Variants in TSEN15 observed in about 807,000 individuals in gnomAD.
TSEN15 encodes tRNA-splicing endonuclease subunit Sen15.
Under a neutral mutation model 20.5 loss-of-function variants are expected in TSEN15, and 10 were observed. That is an observed-to-expected ratio of 0.49 (90% CI 0.30 to 0.83). The LOEUF is 0.83. Ranked by LOEUF, TSEN15 falls within the 40% of genes least tolerant of loss-of-function variation. The pLI is 0.06. For synonymous variants in TSEN15, 72 were observed against 80.1 expected (o/e 0.90, Z 0.54); for missense variants, 180 against 218.6 (o/e 0.82, Z 1.11).
At chr1:184,082,255 C>T (rs563768273) in intron 3 of TSEN15, among the ~76,000 whole-genome samples, 2 of 152,234 alleles carry the variant, frequency 1.3e-5, no homozygotes, top group South Asian at 2.1e-4. Flanking sequence ...TGGGCATCAT[C>T]CTGCAGTGCC....
At chr1:184,076,436 T>A (rs928242834), downstream of TSEN15, among the ~76,000 whole-genome samples, 3 of 152,242 alleles carry the variant, frequency 2.0e-5, no homozygotes, top group Non-Finnish European at 4.4e-5. Context: ...GCCATTTCTC[T>A]CCCTTACTTC....
chr1:184,095,092 G>A (rs1339855631), intron 3 of TSEN15: 5 of 398,522 alleles, frequency 1.3e-5, no homozygotes, highest in Non-Finnish European at 2.2e-5. Context: ...CTTGGAAGAC[G>A]GTGACTGTCT....
chr1:184,063,903 A>G (rs1298346354), intron 3 of TSEN15, among the ~76,000 whole-genome samples: 1 of 152,194 alleles, frequency 6.6e-6, no homozygotes, highest in African/African-American at 2.4e-5. Context: ...TTATAAATGT[A>G]TTTGATTTTA....
intron 3 of TSEN15, chr1:184,095,291 A>G (rs1305943333): frequency 7.6e-6 from 3 of 395,068 alleles, no homozygotes; most frequent in African/African-American, 6.2e-5. Context: ...ATAAGAAGAA[A>G]GAGCAACACC....
At chr1:184,065,775 T>A (rs1650632305) in intron 3 of TSEN15, among the ~76,000 whole-genome samples, 1 of 152,248 alleles carries the variant, frequency 6.6e-6, no homozygotes, top group Admixed American at 6.5e-5. Flanking sequence ...CATCTTTTCA[T>A]ATGCTTATTT....
chr1:184,057,107 T>C (rs1172054438), intron 3 of TSEN15, among the ~76,000 whole-genome samples: 3 of 152,262 alleles, frequency 2.0e-5, no homozygotes, highest in African/African-American at 7.2e-5. Context: ...TACAAAAGAC[T>C]GTGGCTTCTA....
chr1:184,080,609 A>G (rs911175892), intron 3 of TSEN15, among the ~76,000 whole-genome samples: 9 of 152,212 alleles, frequency 5.9e-5, no homozygotes, highest in African/African-American at 1.9e-4. Flanking sequence ...GTAATTCTGA[A>G]AAACATATTC....
intron 3 of TSEN15, among the ~76,000 whole-genome samples, chr1:184,082,600 C>T (rs1651190027): frequency 6.6e-6 from 1 of 152,090 alleles, no homozygotes; most frequent in African/African-American, 2.4e-5. Context: ...GCACCAGCAA[C>T]TTTTGGGGTC....
downstream of TSEN15, among the ~76,000 whole-genome samples, chr1:184,076,459 T>G (rs1651063334): frequency 6.6e-6 from 1 of 152,044 alleles, no homozygotes. Context: ...GCCTCCCTAT[T>G]CCCTGAGAAA....
chr1:184,065,618 T>C (rs1023239140), intron 3 of TSEN15, among the ~76,000 whole-genome samples: 27 of 152,228 alleles, frequency 1.8e-4, no homozygotes, highest in African/African-American at 4.6e-4. Flanking sequence ...AATTATACAG[T>C]ATGTAGCCTT....
At chr1:184,064,709 G>C (rs962273219) in intron 3 of TSEN15, among the ~76,000 whole-genome samples, 4 of 152,180 alleles carry the variant, frequency 2.6e-5, no homozygotes, top group African/African-American at 9.6e-5. Flanking sequence ...AAAATTATTT[G>C]AGTCAGAATA....
chr1:184,082,046 C>T (rs1046299470), intron 3 of TSEN15, among the ~76,000 whole-genome samples: 4 of 152,086 alleles, frequency 2.6e-5, no homozygotes, highest in African/African-American at 9.7e-5. Context: ...AACATGGATG[C>T]GTGGGTGAGG....
At chr1:184,076,375 C>T (rs1005653795), downstream of TSEN15, among the ~76,000 whole-genome samples, 5 of 152,000 alleles carry the variant, frequency 3.3e-5, no homozygotes, top group Admixed American at 3.3e-4. Context: ...ACAGCAAACT[C>T]AGTTGATAAA....
downstream of TSEN15, among the ~76,000 whole-genome samples, chr1:184,078,687 TA>T (rs1175820792): frequency 2.0e-5 from 3 of 152,312 alleles, no homozygotes; most frequent in Non-Finnish European, 4.4e-5. Context: ...AGATCTCTTG[TA>T]AAGAACATGA....
At chr1:184,055,904 A>T (rs1377859686) in intron 3 of TSEN15, among the ~76,000 whole-genome samples, 1 of 152,136 alleles carries the variant, frequency 6.6e-6, no homozygotes, top group Non-Finnish European at 1.5e-5. Context: ...ACGTGCTTTC[A>T]CTGACCTGAG....
chr1:184,091,888 G>A (rs1216666590), intron 3 of TSEN15, among the ~76,000 whole-genome samples: 2 of 152,182 alleles, frequency 1.3e-5, no homozygotes, highest in African/African-American at 2.4e-5. Flanking sequence ...AGTGTTAATT[G>A]TCCTGGTAAA....
At chr1:184,059,313 G>T (rs1179613024) in intron 3 of TSEN15, among the ~76,000 whole-genome samples, 1 of 152,110 alleles carries the variant, frequency 6.6e-6, no homozygotes. Flanking sequence ...TGCCTACCTA[G>T]CATGGTGTCT....
Position 184,051,739 on chromosome 1 carries a change from G to T in TSEN15, c.-17G>T. On this transcript the variant is annotated 5_prime_UTR_variant, in exon 1 of 5. Coordinates refer to ENST00000645668, the MANE Select transcript of TSEN15 (RefSeq NM_052965.4). ...GCGCGGGTCGTGGTGCACCACGGGA[G>T]CGCCGCACCGGCCGGCATGGAGGAG... 1 of 1,411,376 alleles carries T rather than the reference G, an allele frequency of 7.1e-7. No homozygotes were observed. Among genetic ancestry groups the T allele is most frequent in the Non-Finnish European group, 9.3e-7 (1 of 1,080,734 alleles). The allele number at this position is 1,411,376 out of a possible 1,614,324, so 87.4% of individuals were successfully genotyped here. A position where few individuals can be genotyped will look rare whatever the true frequency, so the allele number is the denominator to read the frequency against.
intron 3 of TSEN15, 68 bp from the exon 4 acceptor site, chr1:184,072,089 T>C (rs1650903509): frequency 2.0e-6 from 3 of 1,496,716 alleles, no homozygotes; most frequent in Non-Finnish European, 2.7e-6. Context: ...TTTCTAGTGC[T>C]TTCTTCTGTC....
Sources: allele counts gnomAD v4.1 joint callset (sites outside exome capture counted in the v4.1 genomes callset), GRCh38; gene constraint gnomAD v4.1.1; transcripts MANE v1.5; gene names NCBI Gene and HGNC (gene_info 2026-07-23, HGNC 2026-07-21).